Variants in NAPEPLD observed in about 807,000 individuals in gnomAD.
NAPEPLD encodes N-acyl phosphatidylethanolamine phospholipase D.
Under a neutral mutation model 38.1 loss-of-function variants are expected in NAPEPLD, and 23 were observed. That is an observed-to-expected ratio of 0.60 (90% CI 0.43 to 0.86). NAPEPLD has a LOEUF of 0.86. NAPEPLD is among the 40% of genes least tolerant of loss of function. The pLI is 0.00. For synonymous variants in NAPEPLD, 147 were observed against 162.0 expected (o/e 0.91, Z 0.71); for missense variants, 411 against 476.8 (o/e 0.86, Z 1.28).
intron 1 of NAPEPLD, among the ~76,000 whole-genome samples, chr7:103,142,443 T>C (rs1359012729): frequency 6.6e-6 from 1 of 151,984 alleles, no homozygotes; most frequent in Admixed American, 6.6e-5. Context: ...CCATCTCTAC[T>C]AAAAATACAA....
intron 1 of NAPEPLD, among the ~76,000 whole-genome samples, chr7:103,132,631 A>T (rs1171922860): frequency 3.3e-5 from 5 of 151,824 alleles, no homozygotes; most frequent in African/African-American, 9.7e-5. Context: ...AATAAAAAAT[A>T]AAAATAAAAA....
intron 2 of NAPEPLD, among the ~76,000 whole-genome samples, chr7:103,120,452 A>C (rs887717778): frequency 6.6e-6 from 1 of 152,144 alleles, no homozygotes; most frequent in Non-Finnish European, 1.5e-5. Flanking sequence ...CAAATGCAAA[A>C]GAGAAAATTA....
intron 1 of NAPEPLD, chr7:103,141,261 TTTTTGC>T: frequency 4.8e-6 from 1 of 210,384 alleles, no homozygotes; most frequent in Non-Finnish European, 9.2e-6. Context: ...TTTTTTTTTT[TTTTTGC>T]AAGCAGATAA....
intron 1 of NAPEPLD, among the ~76,000 whole-genome samples, chr7:103,142,770 T>C (rs1447121879): frequency 6.6e-6 from 1 of 152,186 alleles, no homozygotes; most frequent in Non-Finnish European, 1.5e-5. Flanking sequence ...AATGAATAAA[T>C]GAAAAAACCA....
At chr7:103,134,107 T>G (rs1423981490) in intron 1 of NAPEPLD, among the ~76,000 whole-genome samples, 1 of 152,184 alleles carries the variant, frequency 6.6e-6, no homozygotes, top group Non-Finnish European at 1.5e-5. Flanking sequence ...GTGAATAAAA[T>G]GTCTATCTCA....
chr7:103,124,705 T>A (rs148731755), intron 2 of NAPEPLD, among the ~76,000 whole-genome samples: 3 of 152,212 alleles, frequency 2.0e-5, no homozygotes, highest in Non-Finnish European at 4.4e-5. Flanking sequence ...GTTCATTCAA[T>A]AGCTACTCTT....
chr7:103,109,524 A>T (rs1453645298), intron 4 of NAPEPLD, among the ~76,000 whole-genome samples: 1 of 152,218 alleles, frequency 6.6e-6, no homozygotes, highest in Non-Finnish European at 1.5e-5. Flanking sequence ...AAATTAAGGC[A>T]GAAATAAAGA....
chr7:103,138,722 G>A (rs890509708), intron 1 of NAPEPLD, among the ~76,000 whole-genome samples: 3 of 151,918 alleles, frequency 2.0e-5, no homozygotes, highest in Admixed American at 6.6e-5. Flanking sequence ...CACCCGCCTC[G>A]GCCTCCCAAA....
intron 1 of NAPEPLD, chr7:103,142,060 G>A: frequency 1.7e-6 from 1 of 589,006 alleles, no homozygotes; most frequent in Non-Finnish European, 3.0e-6. Context: ...TAAAAGTTCT[G>A]TGGGTGTTTC....
At chr7:103,106,693 C>T (rs745974224) in intron 4 of NAPEPLD, among the ~76,000 whole-genome samples, 1 of 148,662 alleles carries the variant, frequency 6.7e-6, no homozygotes, top group Non-Finnish European at 1.5e-5. Flanking sequence ...GCCAGACTGC[C>T]TCTCTAGACT....
chr7:103,119,050 C>T (rs1385949488), intron 3 of NAPEPLD, among the ~76,000 whole-genome samples: 1 of 152,142 alleles, frequency 6.6e-6, no homozygotes, highest in African/African-American at 2.4e-5. Context: ...AGTTATGGAG[C>T]AAAAGGTGGT....
chr7:103,107,423 C>A (rs1803590736), intron 4 of NAPEPLD, among the ~76,000 whole-genome samples: 1 of 152,064 alleles, frequency 6.6e-6, no homozygotes, highest in Non-Finnish European at 1.5e-5. Flanking sequence ...CAGAAGCAGG[C>A]TTTAGAAGGT....
upstream of NAPEPLD, among the ~76,000 whole-genome samples, chr7:103,149,715 T>TC (rs992565907): frequency 6.6e-6 from 1 of 151,902 alleles, no homozygotes; most frequent in East Asian, 1.9e-4. Context: ...TCAAATTGGT[T>TC]CCCCCCGCTG....
chr7:103,118,320 A>G (rs1805964305), intron 3 of NAPEPLD, among the ~76,000 whole-genome samples: 1 of 152,240 alleles, frequency 6.6e-6, no homozygotes, highest in Non-Finnish European at 1.5e-5. Context: ...AATTATAACT[A>G]TTTAATTAGA....
At chr7:103,139,672 T>G (rs552064078) in intron 1 of NAPEPLD, among the ~76,000 whole-genome samples, 1 of 152,146 alleles carries the variant, frequency 6.6e-6, no homozygotes, top group South Asian at 2.1e-4. Context: ...ACAAATGAAT[T>G]TGGCAAAGGG....
upstream of NAPEPLD, chr7:103,149,128 A>C: frequency 1.0e-6 from 1 of 987,094 alleles, no homozygotes; most frequent in Non-Finnish European, 1.2e-6. Context: ...ACCGTGGAGG[A>C]GGCAGCAGAG....
At chr7:103,124,203 A>G (rs2129529507) in intron 2 of NAPEPLD, among the ~76,000 whole-genome samples, 1 of 152,268 alleles carries the variant, frequency 6.6e-6, no homozygotes, top group South Asian at 2.1e-4. Context: ...TCACGCCTGT[A>G]ATCCCAGCAC....
intron 4 of NAPEPLD, among the ~76,000 whole-genome samples, chr7:103,112,286 A>G (rs181404186): frequency 1.3e-5 from 2 of 152,316 alleles, no homozygotes; most frequent in African/African-American, 4.8e-5. Context: ...TCATTCTACT[A>G]TAAAGACTCA....
chr7:103,101,976 G>T lies in NAPEPLD; in HGVS notation c.*1453C>A, dbSNP rs1802460801. On this transcript the variant is annotated 3_prime_UTR_variant, in exon 5 of 5. Transcript: ENST00000465647. ...CAAGTGAATACAGAGTCCTTATTAGGACTAAATCTTATGTCAACTGACTCC... is the reference window on the plus strand; with the variant it reads ...CAAGTGAATACAGAGTCCTTATTAGTACTAAATCTTATGTCAACTGACTCC... The T allele has an allele frequency of 6.6e-6, 1 of 150,584 alleles. No homozygotes were observed. Among genetic ancestry groups the T allele is most frequent in the Admixed American group, 6.6e-5 (1 of 15,070 alleles). The allele number at this position is 150,584 out of a possible 1,614,324, so 9.3% of individuals were successfully genotyped here.
Sources: gnomAD v4.1 joint callset for allele counts (sites outside exome capture counted in the v4.1 genomes callset) on GRCh38, gnomAD v4.1.1 for gene constraint, MANE v1.5 for transcripts, NCBI Gene and HGNC (gene_info 2026-07-23, HGNC 2026-07-21) for gene names.